The following HS3ST3A1 variants were observed in gnomAD, a reference collection of about 807,000 sequenced individuals.
The protein encoded by HS3ST3A1 is heparan sulfate-glucosamine 3-sulfotransferase 3A1.
Under a neutral mutation model 25.7 loss-of-function variants are expected in HS3ST3A1, and 19 were observed. The ratio of observed to expected loss-of-function variants is 0.74; its 90% CI spans 0.52 to 1.08. The LOEUF is 1.08. Ranked by LOEUF, HS3ST3A1 falls within the 50% of genes least tolerant of loss-of-function variation. HS3ST3A1 has a pLI of 0.00. For missense variants in HS3ST3A1, 459 were observed against 594.3 expected, an observed-to-expected ratio of 0.77 and a Z score of 2.37; for synonymous variants, 226 against 278.6, an observed-to-expected ratio of 0.81 and a Z score of 1.88.
chr17:13,503,209 T>C (rs1048927932), intron 1 of HS3ST3A1, among the ~76,000 whole-genome samples: 8 of 147,942 alleles, frequency 5.4e-5, no homozygotes, highest in African/African-American at 2.0e-4. Flanking sequence ...AAAGAGCTCC[T>C]ATAAATCAAT....
intron 1 of HS3ST3A1, among the ~76,000 whole-genome samples, chr17:13,516,881 T>A (rs1341942614): frequency 6.6e-6 from 1 of 152,020 alleles, no homozygotes; most frequent in African/African-American, 2.4e-5. Context: ...AGAGACAGGG[T>A]TTCACCGTGT....
intron 1 of HS3ST3A1, among the ~76,000 whole-genome samples, chr17:13,534,458 C>A (rs1258288385): frequency 7.2e-6 from 1 of 138,322 alleles, no homozygotes; most frequent in African/African-American, 2.7e-5. Context: ...AATCCCAGCA[C>A]TTTGGGAGGT....
chr17:13,585,524 T>C (rs1378935780), intron 1 of HS3ST3A1, among the ~76,000 whole-genome samples: 4 of 151,904 alleles, frequency 2.6e-5, no homozygotes, highest in Admixed American at 6.6e-5. Context: ...TTTTTTTCCT[T>C]TTTAAAATGC....
chr17:13,585,994 G>A (rs148591903), intron 1 of HS3ST3A1, among the ~76,000 whole-genome samples: 2 of 151,516 alleles, frequency 1.3e-5, no homozygotes, highest in Non-Finnish European at 2.9e-5. Context: ...GACTACGGGC[G>A]CGGACTACCA....
chr17:13,513,200 GC>G (rs1474194653), intron 1 of HS3ST3A1, among the ~76,000 whole-genome samples: 3 of 152,172 alleles, frequency 2.0e-5, no homozygotes, highest in Admixed American at 6.5e-5. Context: ...GCTGTCAGGA[GC>G]TAAACTTTCC....
chr17:13,581,968 T>G (rs1424569884), intron 1 of HS3ST3A1, among the ~76,000 whole-genome samples: 1 of 152,226 alleles, frequency 6.6e-6, no homozygotes, highest in African/African-American at 2.4e-5. Flanking sequence ...CATACTTTTT[T>G]CTTTCCTAAA....
At chr17:13,557,915 T>C (rs1907425737) in intron 1 of HS3ST3A1, among the ~76,000 whole-genome samples, 1 of 152,202 alleles carries the variant, frequency 6.6e-6, no homozygotes, top group Non-Finnish European at 1.5e-5. Flanking sequence ...TGTGTCCTGG[T>C]AAACGTTTTG....
chr17:13,529,257 T>C (rs918175647), intron 1 of HS3ST3A1, among the ~76,000 whole-genome samples: 6 of 152,310 alleles, frequency 3.9e-5, no homozygotes, highest in Admixed American at 3.3e-4. Flanking sequence ...CAATCTATCA[T>C]GTAAAATTCA....
At chr17:13,563,287 T>A (rs561880406) in intron 1 of HS3ST3A1, among the ~76,000 whole-genome samples, 2 of 151,964 alleles carry the variant, frequency 1.3e-5, no homozygotes, top group East Asian at 3.9e-4. Context: ...AGTTGGGGTA[T>A]AAAGGGAATG....
chr17:13,579,373 T>C (rs1482656105), intron 1 of HS3ST3A1, among the ~76,000 whole-genome samples: 2 of 152,000 alleles, frequency 1.3e-5, no homozygotes, highest in African/African-American at 2.4e-5. Flanking sequence ...AAAAAGTACC[T>C]TAAAGGGGTA....
At chr17:13,550,607 A>AG (rs1907212447) in intron 1 of HS3ST3A1, among the ~76,000 whole-genome samples, 1 of 152,170 alleles carries the variant, frequency 6.6e-6, no homozygotes, top group African/African-American at 2.4e-5. Context: ...AAACTTTGTT[A>AG]TGTAGACACT....
At chr17:13,533,376 A>C (rs1329929232) in intron 1 of HS3ST3A1, among the ~76,000 whole-genome samples, 2 of 151,894 alleles carry the variant, frequency 1.3e-5, no homozygotes, top group Non-Finnish European at 2.9e-5. Flanking sequence ...GAAACAGAAA[A>C]AGGAAATGTC....
intron 1 of HS3ST3A1, among the ~76,000 whole-genome samples, chr17:13,579,815 A>G (rs1007382977): frequency 2.7e-5 from 4 of 150,888 alleles, no homozygotes; most frequent in Non-Finnish European, 4.4e-5. Flanking sequence ...TACTAAAACT[A>G]CAAAAATTAG....
Position 13,600,825 on chromosome 17 carries a change from G to GGCGGCCGGCGCCTCCGCCACT in HS3ST3A1, c.284_304dup (p.Gln95_Pro101dup). The GGCGGCCGGCGCCTCCGCCACT allele has an allele frequency of 1.4e-6, 2 of 1,413,224 alleles. No homozygotes were observed. The highest frequency in any genetic ancestry group is 1.8e-6 in the Non-Finnish European group (2 of 1,096,476). 87.5% of individuals were successfully genotyped at this position (1,413,224 alleles called of 1,614,324 possible). On this transcript the variant is annotated inframe_insertion, in exon 1 of 2. Coordinates refer to ENST00000284110, the MANE Select transcript of HS3ST3A1 (RefSeq NM_006042.3). ...CTCCTCGCCGTCGTCGCGGGGCGCG[G>GGCGGCCGGCGCCTCCGCCACT]GCGGCCGGCGCCTCCGCCACTGCGG...
At chr17:13,593,212 T>C (rs1237238071) in intron 1 of HS3ST3A1, among the ~76,000 whole-genome samples, 1 of 136,984 alleles carries the variant, frequency 7.3e-6, no homozygotes, top group Non-Finnish European at 1.6e-5. Flanking sequence ...CACTGACACC[T>C]GTTCCTTCTA....
At position 13,600,694 on chromosome 17, in the gene HS3ST3A1, C is replaced by T; in HGVS notation, c.436G>A (p.Asp146Asn). ...TGCGGCAGCTGCTTGCTGCCTTCGTCCAGGAGCAGCGCCAGGGTCCCCGGC... is the reference window on the plus strand; with the variant it reads ...TGCGGCAGCTGCTTGCTGCCTTCGTTCAGGAGCAGCGCCAGGGTCCCCGGC... ...APPGTLALLL[D>N]EGSKQLPQAI... Residue 146 changes from aspartate to asparagine, a missense_variant, in exon 1 of 2, where the codon GAC becomes AAC. By Grantham distance (23) the Asp-to-Asn change is conservative. Coordinates refer to ENST00000284110, the MANE Select transcript of HS3ST3A1 (RefSeq NM_006042.3). The T allele has an allele frequency of 2.5e-6, 4 of 1,576,202 alleles. No homozygotes were observed. Among genetic ancestry groups the T allele is most frequent in the Non-Finnish European group, 3.4e-6 (4 of 1,168,150 alleles).
At chr17:13,497,220 T>G (rs1905312964) in intron 1 of HS3ST3A1, among the ~76,000 whole-genome samples, 1 of 152,206 alleles carries the variant, frequency 6.6e-6, no homozygotes, top group South Asian at 2.1e-4. Context: ...TGAGATAGTA[T>G]TAAAATATCC....
chr17:13,555,364 T>G (rs1907345170), intron 1 of HS3ST3A1, among the ~76,000 whole-genome samples: 1 of 152,194 alleles, frequency 6.6e-6, no homozygotes, highest in South Asian at 2.1e-4. Context: ...TTAAACCCAT[T>G]TCACTTACAC....
chr17:13,567,032 C>T (rs575137613), intron 1 of HS3ST3A1, among the ~76,000 whole-genome samples: 22 of 152,310 alleles, frequency 1.4e-4, no homozygotes, highest in African/African-American at 5.1e-4. Flanking sequence ...TTCATAGCTA[C>T]AGAGAAGTTA....
Sources: gnomAD v4.1 joint callset for allele counts (sites outside exome capture counted in the v4.1 genomes callset) on GRCh38, gnomAD v4.1.1 for gene constraint, MANE v1.5 for transcripts, NCBI Gene and HGNC (gene_info 2026-07-23, HGNC 2026-07-21) for gene names.